CABLES2: variants seen among roughly 807,000 people sequenced by gnomAD.
CABLES2 encodes Cdk5 and Abl enzyme substrate 2.
A neutral mutation model predicts 44.8 loss-of-function variants in CABLES2; 35 were observed. The ratio of observed to expected loss-of-function variants is 0.78; its 90% CI spans 0.60 to 1.04. CABLES2 has a LOEUF of 1.04. Ranked by LOEUF, CABLES2 falls within the 50% of genes least tolerant of loss-of-function variation. The probability of loss-of-function intolerance (pLI) is 0.00; values close to 1 mark genes in which losing one functional copy is unlikely to be tolerated. For synonymous variants in CABLES2, 282 were observed against 281.1 expected (o/e 1.00, Z -0.03); for missense variants, 566 against 615.7 (o/e 0.92, Z 0.85).
At chr20:62,406,853 C>A in intron 1 of CABLES2, 62 bp downstream of exon 1, 1 of 975,752 alleles carries the variant, frequency 1.0e-6, no homozygotes, top group East Asian at 4.3e-5. Context: ...TGGGCTGATC[C>A]GGCCCCCGTC....
chr20:62,402,002 G>A (rs530903690), intron 1 of CABLES2, among the ~76,000 whole-genome samples: 1 of 152,314 alleles, frequency 6.6e-6, no homozygotes, highest in South Asian at 2.1e-4. Flanking sequence ...TGAGTCCCAG[G>A]AGGCCCCGCT....
At chr20:62,393,632 AGCTC>A in intron 5 of CABLES2, 27 bp from the exon 6 acceptor site, 1 of 1,545,014 alleles carries the variant, frequency 6.5e-7, no homozygotes, top group Non-Finnish European at 8.8e-7. Context: ...ATCTGGCCTC[AGCTC>A]TGCCTCCCGG....
Position 62,388,686 on chromosome 20 carries a change from T to A in CABLES2, c.*2285A>T. On this transcript the variant is annotated 3_prime_UTR_variant, in exon 10 of 10. Transcript: ENST00000279101. ...TACATTATCCATTTAAAAACAGATA[T>A]CTAAGACAAAATAACTCAAACATTC... 3 of 591,878 alleles carry A rather than the reference T, an allele frequency of 5.1e-6. 1 individual carries two copies. In the South Asian group the frequency reaches 6.2e-5, roughly 12 times the overall value. 36.7% of individuals were successfully genotyped at this position (591,878 alleles called of 1,614,324 possible). A position where few individuals can be genotyped will look rare whatever the true frequency, so the allele number is the denominator to read the frequency against.
At chr20:62,393,340 C>T (rs1302788722) in intron 6 of CABLES2, 100 bp downstream of exon 6, 6 of 1,268,782 alleles carry the variant, frequency 4.7e-6, no homozygotes, top group Non-Finnish European at 6.6e-6. Flanking sequence ...CGGAGGGCTA[C>T]AGATTGAAAG....
chr20:62,397,457 T>C lies in CABLES2; in HGVS notation c.363-865A>G, dbSNP rs181527479. Among the ~76,000 whole-genome samples, 229 of 152,174 alleles carry C rather than the reference T, an allele frequency of 1.5e-3. 4 individuals carry two copies. The highest frequency in any genetic ancestry group is 5.0e-4 in the Non-Finnish European group (34 of 67,998). On this transcript the variant is annotated intron_variant, in intron 1 of 9. Coordinates refer to ENST00000279101, the MANE Select transcript of CABLES2 (RefSeq NM_031215.3). Reference sequence around the variant, plus strand: ...CCCATAAGCGAAACGTGCAGGCAAATATTTGTTGGCTGAATGACTGTACAA... The same window carrying C: ...CCCATAAGCGAAACGTGCAGGCAAACATTTGTTGGCTGAATGACTGTACAA...
At chr20:62,394,097 C>T (rs1987970960) in intron 5 of CABLES2, 60 bp downstream of exon 5, 8 of 1,356,238 alleles carry the variant, frequency 5.9e-6, no homozygotes, top group East Asian at 2.3e-5. Flanking sequence ...CGTGGGACTG[C>T]TCCCACCCGC....
At chr20:62,402,185 T>A (rs1365399634) in intron 1 of CABLES2, 1 of 152,234 alleles carries the variant, frequency 6.6e-6, no homozygotes, top group East Asian at 1.9e-4. Flanking sequence ...CTCTCAGCAC[T>A]AAATGGCGGG....
chr20:62,392,282 G>A, intron 8 of CABLES2, 107 bp downstream of exon 8: 2 of 823,652 alleles, frequency 2.4e-6, no homozygotes, highest in South Asian at 1.5e-5. Context: ...GGTTGGGGAT[G>A]GGCAGCGGCT....
intron 1 of CABLES2, among the ~76,000 whole-genome samples, chr20:62,399,946 AAAG>A (rs922981986): frequency 3.0e-4 from 45 of 152,240 alleles, no homozygotes; most frequent in African/African-American, 9.6e-4. Flanking sequence ...TGAAAGTGAA[AAAG>A]AACATGGTTG....
chr20:62,394,384 G>T, intron 4 of CABLES2, 119 bp from the exon 5 acceptor site: 1 of 738,842 alleles, frequency 1.4e-6, no homozygotes, highest in Non-Finnish European at 2.3e-6. Context: ...CAGCCCCTCG[G>T]GAAAGAAAGG....
At chr20:62,399,548 G>GA in intron 1 of CABLES2, among the ~76,000 whole-genome samples, 1 of 130,624 alleles carries the variant, frequency 7.7e-6, no homozygotes, top group Non-Finnish European at 1.6e-5. Context: ...CGCCCGGCCT[G>GA]TTTTTTTTTT....
At chr20:62,398,351 ACGGTGGTGATGG>A (rs1269888783) in intron 1 of CABLES2, among the ~76,000 whole-genome samples, 6 of 141,516 alleles carry the variant, frequency 4.2e-5, no homozygotes, top group African/African-American at 1.6e-4. Flanking sequence ...GATGGTGATG[ACGGTGGTGATGG>A]CGGTGGTGGT....
chr20:62,392,589 T>C (rs1987939697), intron 7 of CABLES2, 94 bp from the exon 8 acceptor site: 1 of 922,284 alleles, frequency 1.1e-6, no homozygotes, highest in African/African-American at 1.6e-5. Flanking sequence ...GTCCTGGGTT[T>C]GCAAACATGC....
chr20:62,393,655 G>A (rs777404254), intron 5 of CABLES2, 50 bp from the exon 6 acceptor site: 12 of 1,512,380 alleles, frequency 7.9e-6, no homozygotes, highest in East Asian at 2.3e-5. Context: ...GGGACCAGAG[G>A]GCAAAGTGAG....
At chr20:62,395,655 G>A (rs1023912939) in intron 3 of CABLES2, among the ~76,000 whole-genome samples, 2 of 152,222 alleles carry the variant, frequency 1.3e-5, no homozygotes, top group African/African-American at 4.8e-5. Context: ...CCCCTCTCTG[G>A]CTTGGATGAC....
Position 62,391,601 on chromosome 20 carries a change from C to A in CABLES2, c.1092-148G>T. The A allele has an allele frequency of 1.2e-6, 1 of 817,210 alleles. No individual in the cohort carries two copies. Among genetic ancestry groups the A allele is most frequent in the Non-Finnish European group, 2.0e-6 (1 of 505,918 alleles). The allele number at this position is 817,210 out of a possible 1,614,324, so 50.6% of individuals were successfully genotyped here. A position where few individuals can be genotyped will look rare whatever the true frequency, so the allele number is the denominator to read the frequency against. On this transcript the variant is annotated intron_variant, in intron 8 of 9. Coordinates refer to ENST00000279101, the MANE Select transcript of CABLES2 (RefSeq NM_031215.3). The surrounding 1 kb of genome is among the most constrained non-coding windows in gnomAD (Gnocchi z 5.7). ...TCCTTCAGGGGATGGTACCCTCCGC[C>A]GTACCATGTATAACGCCCAGGGCAG...
rs1988308311 is a variant in CABLES2 at position 62,407,034 on chromosome 20, C to G, written c.243G>C (p.Pro81=). Residue 81 remains proline, a synonymous_variant, in exon 1 of 10, where the codon CCG becomes CCC. Coordinates refer to ENST00000279101, the MANE Select transcript of CABLES2 (RefSeq NM_031215.3). ...GGGGCTCCGGCGGCGGCGGCGCTGG[C>G]GGTTCGCGGGCCTCGGCGGGCGGCG... ...PPPPPAEARE[P]PAPPPPEPPT... is the part of the protein sequence containing the mutation. 8.8e-7 allele frequency: 1 copy of G among 1,140,130 alleles called. No individual in the cohort carries two copies. Among genetic ancestry groups the G allele is most frequent in the East Asian group, 4.5e-5 (1 of 22,150 alleles). 70.6% of individuals were successfully genotyped at this position (1,140,130 alleles called of 1,614,324 possible). A position where few individuals can be genotyped will look rare whatever the true frequency, so the allele number is the denominator to read the frequency against.
chr20:62,399,808 G>A (rs1471320017), intron 1 of CABLES2, among the ~76,000 whole-genome samples: 1 of 150,052 alleles, frequency 6.7e-6, no homozygotes, highest in Non-Finnish European at 1.5e-5. Flanking sequence ...TGGCCAGGCT[G>A]GTCTCGAACT....
At chr20:62,397,927 T>C (rs201948942) in intron 1 of CABLES2, among the ~76,000 whole-genome samples, 1,476 of 100,168 alleles carry the variant, frequency 0.015, 61 homozygotes, top group African/African-American at 0.047. Context: ...GTGGTGATGG[T>C]GGTGGTGGTG....
Sources: allele counts gnomAD v4.1 joint callset (sites outside exome capture counted in the v4.1 genomes callset), GRCh38; gene constraint gnomAD v4.1.1; non-coding constraint Gnocchi (gnomAD v3.1); transcripts MANE v1.5; gene names NCBI Gene and HGNC (gene_info 2026-07-23, HGNC 2026-07-21).